HEXB: variants seen among roughly 807,000 people sequenced by gnomAD.
HEXB encodes hexosaminidase subunit beta, also known as beta-hexosaminidase subunit beta.
In HEXB, 51 loss-of-function variants were observed where a neutral mutation model predicts 71.2. That is an observed-to-expected ratio of 0.72 (90% confidence interval 0.57 to 0.90). The LOEUF (loss-of-function observed/expected upper bound fraction) is 0.90. HEXB is among the 40% of genes least tolerant of loss of function. HEXB has a pLI of 0.00. For missense variants in HEXB, 617 were observed against 677.0 expected, an observed-to-expected ratio of 0.91 and a Z score of 0.98; for synonymous variants, 266 against 249.3, an observed-to-expected ratio of 1.07 and a Z score of -0.63.
chr5:74,697,252 G>C lies in HEXB; in HGVS notation c.669+146G>C, dbSNP rs1749134041. The C allele has an allele frequency of 6.2e-6, 4 of 649,786 alleles. No individual in the cohort carries two copies. In the Admixed American group the frequency reaches 7.0e-5, roughly 11 times the overall value. The allele number at this position is 649,786 out of a possible 1,614,324, so 40.3% of individuals were successfully genotyped here. ...TTCTTTCCTCAGTTCCTAGGGAAGT[G>C]TATTTCCTCAGCTGTGACGTGGAGG... On this transcript the variant is annotated intron_variant, in intron 5 of 13. Transcript: ENST00000261416.
rs1027339360 is a variant in HEXB, at chr5:74,665,467, C to T, written c.-376-23861C>T. On this transcript the variant is annotated intron_variant, in intron 1 of 13. Coordinates refer to the HEXB transcript ENST00000511181. ...GGAGGAGAGTTGTGCAATAGCAGCC[C>T]CGTGGACAGTGTTCTAGGCATCTCC... 2.6e-5 allele frequency among the ~76,000 whole-genome samples: 4 copies of T among 151,906 alleles called. No homozygotes were observed. In the South Asian group the frequency reaches 8.3e-4, roughly 31 times the overall value.
At chr5:74,703,689 T>C (rs959855126) in intron 5 of HEXB, among the ~76,000 whole-genome samples, 1 of 152,024 alleles carries the variant, frequency 6.6e-6, no homozygotes, top group Admixed American at 6.6e-5. Flanking sequence ...ACATGGGGTT[T>C]TGGTCTCACT....
In HEXB at chr5:74,685,445, T is replaced by G; in HGVS notation, c.185T>G (p.Leu62Trp). The G allele has an allele frequency of 6.2e-7, 1 of 1,610,846 alleles. No homozygotes were observed. Among genetic ancestry groups the G allele is most frequent in the Non-Finnish European group, 8.5e-7 (1 of 1,179,114 alleles). Residue 62 changes from leucine (L) to tryptophan (W), a missense_variant, in exon 1 of 14, where the codon TTG becomes TGG. Physicochemically the swap from Leu to Trp is moderately conservative, Grantham distance 61. Coordinates refer to ENST00000261416, the MANE Select transcript of HEXB (RefSeq NM_000521.4). Reference protein sequence around the residue: ...PGPALWPLPLLVKMTPNLLHL... With the variant: ...PGPALWPLPLWVKMTPNLLHL... Reference sequence around the variant, plus strand: ...CCGGCGCTGTGGCCCCTGCCGCTCTTGGTGAAGATGACCCCGAACCTGCTG... The same window carrying G: ...CCGGCGCTGTGGCCCCTGCCGCTCTGGGTGAAGATGACCCCGAACCTGCTG...
rs892749115 is a variant in HEXB at position 74,641,894 on chromosome 5, C to T, written c.-377+1336C>T. 4.6e-5 allele frequency among the ~76,000 whole-genome samples: 7 copies of T among 152,172 alleles called. No individual in the cohort carries two copies. Among genetic ancestry groups the T allele is most frequent in the African/African-American group, 1.7e-4 (7 of 41,438 alleles). ...CGAGGCCCAGGGAGATGTGAATTGCCTGGCTCGTAGTCACTTAGCAACAAT... is the reference window on the plus strand; with the variant it reads ...CGAGGCCCAGGGAGATGTGAATTGCTTGGCTCGTAGTCACTTAGCAACAAT... On this transcript the variant is annotated intron_variant, in intron 1 of 13. Transcript: ENST00000511181. This position sits in a 1 kb window ranked among gnomAD's most constrained non-coding sequence, Gnocchi z 4.1.
intron 5 of HEXB, among the ~76,000 whole-genome samples, chr5:74,698,099 C>T (rs933727906): frequency 1.7e-4 from 26 of 151,370 alleles, no homozygotes; most frequent in Admixed American, 5.9e-4. Flanking sequence ...TATTTTGAAA[C>T]GGAGTTTCGC....
chr5:74,652,498 A>C lies in HEXB; in HGVS notation c.-377+11940A>C, dbSNP rs1332109950. ...TGGGATGTTTTGCAAAATTTTTTAC[A>C]TTCAAAAGAGTCCTCATAGTTGGGT... On this transcript the variant is annotated intron_variant, in intron 1 of 13. Transcript: ENST00000511181. The surrounding 1 kb of genome is among the most constrained non-coding windows in gnomAD (Gnocchi z 5.4). Among the ~76,000 whole-genome samples the C allele has an allele frequency of 6.6e-6, 1 of 152,242 alleles. No homozygotes were observed. Among genetic ancestry groups the C allele is most frequent in the Non-Finnish European group, 1.5e-5 (1 of 68,044 alleles).
chr5:74,642,928 G>C (rs1266533708), intron 1 of HEXB, among the ~76,000 whole-genome samples: 1 of 152,104 alleles, frequency 6.6e-6, no homozygotes, highest in Admixed American at 6.6e-5. Context: ...ATAGAAGAAA[G>C]GGAAAAAAAG....
intron 1 of HEXB, among the ~76,000 whole-genome samples, chr5:74,687,900 A>G (rs1561214907): frequency 6.6e-6 from 1 of 152,200 alleles, no homozygotes; most frequent in South Asian, 2.1e-4. Context: ...GCAAAAAAGC[A>G]TAAGACGTTC....
In HEXB at chr5:74,716,627, G is replaced by A. The variant is rs1469342647; in HGVS notation, c.1123G>A (p.Gly375Ser). The A allele has an allele frequency of 6.2e-7, 1 of 1,610,290 alleles. No homozygotes were observed. The highest frequency in any genetic ancestry group is 2.2e-5 in the East Asian group (1 of 44,748). The change falls in exon 9 of 14, where the codon GGC becomes AGC. Residue 375 changes from glycine to serine, a missense_variant. Physicochemically the swap from Gly to Ser is moderately conservative, Grantham distance 56. Transcript: ENST00000261416. ...AATTCAAGATTTCATGAGGCAAAAAGGCTTTGGCACAGATTTTAAGAAACT... is the reference window on the plus strand; with the variant it reads ...AATTCAAGATTTCATGAGGCAAAAAAGCTTTGGCACAGATTTTAAGAAACT... ...PKIQDFMRQK[G>S]FGTDFKKLES...
rs1173109034 is a variant in HEXB, at chr5:74,646,021, A to G, written c.-377+5463A>G. Among the ~76,000 whole-genome samples the G allele has an allele frequency of 2.7e-5, 4 of 150,882 alleles. No homozygotes were observed. In the East Asian group the frequency reaches 5.8e-4, roughly 22 times the overall value. On this transcript the variant is annotated intron_variant, in intron 1 of 13. Coordinates refer to the HEXB transcript ENST00000511181. ...GAACCAAACTTGGATCCCTACTTTT[A>G]TATTTAGTAGCTGGGTGTTTGAGGG...
At chr5:74,679,976 CTAAA>C (rs371285000) in intron 1 of HEXB, among the ~76,000 whole-genome samples, 60 of 152,184 alleles carry the variant, frequency 3.9e-4, no homozygotes, top group African/African-American at 1.3e-3. Flanking sequence ...AAAATGTCCT[CTAAA>C]TATTTTAACA....
At position 74,685,238 on chromosome 5, in the gene HEXB, G is replaced by A. The variant is rs755816625; in HGVS notation, c.-23G>A. On this transcript the variant is annotated 5_prime_UTR_variant, in exon 1 of 14. Coordinates refer to ENST00000261416, the MANE Select transcript of HEXB (RefSeq NM_000521.4). Reference sequence around the variant, plus strand: ...TCCCGAGGCTCCGGCTCGGCAGACCGGGCGGAAAGCAGCCGAGCGGCCATG... The same window carrying A: ...TCCCGAGGCTCCGGCTCGGCAGACCAGGCGGAAAGCAGCCGAGCGGCCATG... 3 of 1,489,446 alleles carry A rather than the reference G, an allele frequency of 2.0e-6. No homozygotes were observed. Among genetic ancestry groups the A allele is most frequent in the South Asian group, 2.5e-5 (2 of 78,756 alleles). 92.3% of individuals were successfully genotyped at this position (1,489,446 alleles called of 1,614,324 possible).
intron 5 of HEXB, among the ~76,000 whole-genome samples, chr5:74,699,820 G>C (rs951636834): frequency 6.6e-6 from 1 of 151,970 alleles, no homozygotes; most frequent in Non-Finnish European, 1.5e-5. Context: ...TTCTAGACAG[G>C]TCGGTCATAG....
At chr5:74,685,635 C>A in intron 1 of HEXB, 76 bp downstream of exon 1, 2 of 1,325,908 alleles carry the variant, frequency 1.5e-6, no homozygotes, top group Middle Eastern at 2.0e-4. Flanking sequence ...CTGTGCAGAC[C>A]CTCACCACCC....
intron 13 of HEXB, 82 bp downstream of exon 13, chr5:74,720,829 T>C: frequency 9.1e-7 from 1 of 1,104,888 alleles, no homozygotes; most frequent in East Asian, 2.4e-5. Flanking sequence ...GAAATGTATG[T>C]TACCTAACAA....
chr5:74,672,620 A>G (rs957562912), intron 1 of HEXB, among the ~76,000 whole-genome samples: 1 of 152,206 alleles, frequency 6.6e-6, no homozygotes, highest in African/African-American at 2.4e-5. Flanking sequence ...AAGGGAGGAG[A>G]GGGCAGGCTG....
At chr5:74,673,790 G>A (rs919060305) in intron 1 of HEXB, among the ~76,000 whole-genome samples, 26 of 152,114 alleles carry the variant, frequency 1.7e-4, no homozygotes, top group African/African-American at 5.6e-4. Flanking sequence ...TTCTCCATCC[G>A]GCATGCAGCT....
At chr5:74,695,874 G>A (rs1424824175) in intron 3 of HEXB, among the ~76,000 whole-genome samples, 4 of 150,956 alleles carry the variant, frequency 2.6e-5, no homozygotes, top group Non-Finnish European at 4.4e-5. Context: ...CCACTCTTGC[G>A]AGTATGCAGT....
Position 74,712,268 on chromosome 5 carries a change from C to A in HEXB, c.772-1238C>A, listed in dbSNP as rs530852843. Reference sequence around the variant, plus strand: ...GACACAGGAAGGGGAACATCACACACTGGGGACTGTTGTGGGGTGGGGGAG... The same window carrying A: ...GACACAGGAAGGGGAACATCACACAATGGGGACTGTTGTGGGGTGGGGGAG... On this transcript the variant is annotated intron_variant, in intron 6 of 13. Coordinates refer to ENST00000261416, the MANE Select transcript of HEXB (RefSeq NM_000521.4). 2.2e-3 allele frequency among the ~76,000 whole-genome samples: 279 copies of A among 124,136 alleles called. 2 individuals are homozygous for A. Among genetic ancestry groups the A allele is most frequent in the Non-Finnish European group, 3.1e-3 (188 of 61,288 alleles). The allele number at this position is 124,136 out of a possible 152,430, so 81.4% of individuals were successfully genotyped here. A position where few individuals can be genotyped will look rare whatever the true frequency, so the allele number is the denominator to read the frequency against.
Sources: gnomAD v4.1 joint callset for allele counts (sites outside exome capture counted in the v4.1 genomes callset) on GRCh38, gnomAD v4.1.1 for gene constraint, Gnocchi (gnomAD v3.1) non-coding constraint, MANE v1.5 for transcripts, NCBI Gene and HGNC (gene_info 2026-07-23, HGNC 2026-07-21) for gene names.